DYRK2: variants seen among roughly 807,000 people sequenced by gnomAD.
DYRK2 encodes the protein dual specificity tyrosine-phosphorylation-regulated kinase 2.
Under a neutral mutation model 41.6 loss-of-function variants are expected in DYRK2, and 12 were observed. That is an observed-to-expected ratio of 0.29 (90% CI 0.18 to 0.47). The LOEUF (loss-of-function observed/expected upper bound fraction) is 0.47, where lower values mean the gene tolerates loss of function less well. DYRK2 is among the 20% of genes least tolerant of loss of function. The pLI is 1.00. For synonymous variants in DYRK2, 322 were observed against 315.7 expected (o/e 1.02, Z -0.21); for missense variants, 678 against 798.4 (o/e 0.85, Z 1.82).
In DYRK2 at chr12:67,658,747, T is replaced by C. The variant is rs765971690; in HGVS notation, c.*34T>C. 4.2e-5 allele frequency: 66 copies of C among 1,566,168 alleles called. No individual in the cohort carries two copies. Among genetic ancestry groups the C allele is most frequent in the Non-Finnish European group, 5.7e-5 (66 of 1,156,786 alleles). On this transcript the variant is annotated 3_prime_UTR_variant, in exon 3 of 3. Coordinates refer to ENST00000344096, the MANE Select transcript of DYRK2 (RefSeq NM_006482.3). The surrounding 1 kb of genome is among the most constrained non-coding windows in gnomAD (Gnocchi z 4.3). ...CCCCTGATGCTGGTAACCTGAAAGA[T>C]ACGACATTGCTGAGCCTTACTGGGT...
chr12:67,649,581 C>A, intron 1 of DYRK2: 1 of 523,212 alleles, frequency 1.9e-6, no homozygotes, highest in Non-Finnish European at 2.9e-6. Context: ...CGCGAACTCG[C>A]GCGCCAGGGC....
At position 67,657,981 on chromosome 12, in the gene DYRK2, G is replaced by A; in HGVS notation, c.1074G>A (p.Gln358=). The change falls in exon 3 of 3, where the codon CAG becomes CAA. Residue 358 remains glutamine, a synonymous_variant. Coordinates refer to ENST00000344096, the MANE Select transcript of DYRK2 (RefSeq NM_006482.3). The surrounding 1 kb of genome is among the most constrained non-coding windows in gnomAD (Gnocchi z 4.8). ...DLKPENILLK[Q]QGRSGIKVID... The stretch of plus-strand genomic sequence containing the variant: ...AGCCCGAGAACATTTTGTTAAAGCA[G>A]CAGGGTAGAAGCGGTATTAAAGTAA... 1.2e-6 allele frequency: 2 copies of A among 1,614,264 alleles called. No individual in the cohort carries two copies. Among genetic ancestry groups the A allele is most frequent in the Non-Finnish European group, 1.7e-6 (2 of 1,180,046 alleles).
Position 67,660,987 on chromosome 12 carries a change from G to T in DYRK2, c.*2274G>T, listed in dbSNP as rs529987940. ...TAATACTGCTTGTCTTTCCCCCACC[G>T]CACAAAACTGGTTCTTAAGATGCCA... On this transcript the variant is annotated 3_prime_UTR_variant, in exon 3 of 3. Coordinates refer to ENST00000344096, the MANE Select transcript of DYRK2 (RefSeq NM_006482.3). 2.4e-5 allele frequency: 4 copies of T among 166,744 alleles called. No homozygotes were observed. The highest frequency in any genetic ancestry group is 1.3e-4 in the Admixed American group (2 of 15,254). 10.3% of individuals were successfully genotyped at this position (166,744 alleles called of 1,614,324 possible). A position where few individuals can be genotyped will look rare whatever the true frequency, so the allele number is the denominator to read the frequency against.
Position 67,658,550 on chromosome 12 carries a change from C to A in DYRK2, c.1643C>A (p.Thr548Lys), listed in dbSNP as rs575700478. ...CCAAAGCCTCCCACCGGGGAGAAAACGTCAGTGAAAAGGATAACTGAGAGC... is the reference window on the plus strand; with the variant it reads ...CCAAAGCCTCCCACCGGGGAGAAAAAGTCAGTGAAAAGGATAACTGAGAGC... The part of the protein sequence containing the change: ...RLPKPPTGEK[T>K]SVKRITESTG... Residue 548 changes from threonine (T) to lysine (K), a missense_variant, in exon 3 of 3, where the codon ACG (threonine) becomes AAG (lysine). By Grantham distance (78) the Thr-to-Lys change is moderately conservative. Coordinates refer to ENST00000344096, the MANE Select transcript of DYRK2 (RefSeq NM_006482.3). The surrounding 1 kb of genome is among the most constrained non-coding windows in gnomAD (Gnocchi z 4.3). The A allele has an allele frequency of 1.9e-6, 3 of 1,613,944 alleles. No homozygotes were observed. Among genetic ancestry groups the A allele is most frequent in the Non-Finnish European group, 2.5e-6 (3 of 1,179,982 alleles).
Position 67,649,936 on chromosome 12 carries a change from A to T in DYRK2, c.189A>T (p.Ala63=). 7.3e-7 allele frequency: 1 copy of T among 1,374,696 alleles called. No individual in the cohort carries two copies. Among genetic ancestry groups the T allele is most frequent in the Non-Finnish European group, 9.3e-7 (1 of 1,072,082 alleles). 85.2% of individuals were successfully genotyped at this position (1,374,696 alleles called of 1,614,324 possible). A position where few individuals can be genotyped will look rare whatever the true frequency, so the allele number is the denominator to read the frequency against. The change falls in exon 2 of 3, where the codon GCA becomes GCT. Residue 63 remains alanine, a synonymous_variant. Transcript: ENST00000344096. ...PPLRASNAAA[A]AHTIGGSKHT... is the part of the protein sequence containing the mutation. The stretch of plus-strand genomic sequence containing the variant: ...TCCGGGCCAGCAACGCTGCCGCCGC[A>T]GCCCACACGGTGAGACCCAGCCCGC...
chr12:67,651,552 T>G (rs1462343886), intron 2 of DYRK2: 4 of 455,954 alleles, frequency 8.8e-6, no homozygotes, highest in South Asian at 6.2e-5. Flanking sequence ...TCAGTACTCC[T>G]CATAATGGAG....
rs1450395525 is a variant in DYRK2, at chr12:67,659,195, GGGA to G, written c.*487_*489del. On this transcript the variant is annotated 3_prime_UTR_variant, in exon 3 of 3. Coordinates refer to ENST00000344096, the MANE Select transcript of DYRK2 (RefSeq NM_006482.3). Reference sequence around the variant, plus strand: ...AATTAATCTGGGTGTTGGGGGTAGTGGGAGGAGAACGGTCAGAATCAAAGTGAC... The same window carrying G: ...AATTAATCTGGGTGTTGGGGGTAGTGGGAGAACGGTCAGAATCAAAGTGAC... 3 of 167,374 alleles carry G rather than the reference GGGA, an allele frequency of 1.8e-5. No homozygotes were observed. Among genetic ancestry groups the G allele is most frequent in the African/African-American group, 7.2e-5 (3 of 41,440 alleles). The allele number at this position is 167,374 out of a possible 1,614,324, so 10.4% of individuals were successfully genotyped here. A position where few individuals can be genotyped will look rare whatever the true frequency, so the allele number is the denominator to read the frequency against.
At position 67,665,383 on chromosome 12, in the gene DYRK2, G is replaced by A. The variant is rs750560663; in HGVS notation, c.*6670G>A. 5 of 152,152 alleles carry A rather than the reference G, an allele frequency of 3.3e-5. No individual in the cohort carries two copies. Among genetic ancestry groups the A allele is most frequent in the African/African-American group, 1.2e-4 (5 of 41,418 alleles). The allele number at this position is 152,152 out of a possible 1,614,324, so 9.4% of individuals were successfully genotyped here. A position where few individuals can be genotyped will look rare whatever the true frequency, so the allele number is the denominator to read the frequency against. On this transcript the variant is annotated 3_prime_UTR_variant, in exon 3 of 3. Transcript: ENST00000344096. The stretch of plus-strand genomic sequence containing the variant: ...AATTATAAGCAATTTATGTGGACCA[G>A]CAGCAAATAAATGTATGAGTACATT...
At chr12:67,654,793 T>C (rs1176820211) in intron 2 of DYRK2, among the ~76,000 whole-genome samples, 1 of 152,174 alleles carries the variant, frequency 6.6e-6, no homozygotes, top group African/African-American at 2.4e-5. Flanking sequence ...AGGGAGCTGA[T>C]CGATAGTTGG....
chr12:67,655,833 T>A (rs922805787), intron 2 of DYRK2, among the ~76,000 whole-genome samples: 1 of 152,230 alleles, frequency 6.6e-6, no homozygotes, highest in African/African-American at 2.4e-5. Context: ...GTGTTACATA[T>A]ACAGAGCCCT....
chr12:67,658,036 C>CA lies in DYRK2; in HGVS notation c.1130dup (p.Arg378AlafsTer27). The CA allele has an allele frequency of 6.2e-7, 1 of 1,614,230 alleles. No homozygotes were observed. On this transcript the variant is annotated frameshift_variant, in exon 3 of 3. Transcript: ENST00000344096. LOFTEE classifies it high-confidence loss of function. This position sits in a 1 kb window ranked among gnomAD's most constrained non-coding sequence, Gnocchi z 4.3. ...TTTTGGCTCCAGTTGTTACGAGCAT[C>CA]AGCGTGTCTACACGTACATCCAGTC...
intron 2 of DYRK2, among the ~76,000 whole-genome samples, chr12:67,650,857 C>T (rs1872302398): frequency 6.6e-6 from 1 of 152,124 alleles, no homozygotes; most frequent in South Asian, 2.1e-4. Context: ...TAAGATGGTT[C>T]TGTGTGAGGG....
In DYRK2 at chr12:67,663,826, C is replaced by A. The variant is rs766031559; in HGVS notation, c.*5113C>A. 1 of 152,198 alleles carries A rather than the reference C, an allele frequency of 6.6e-6. No homozygotes were observed. Among genetic ancestry groups the A allele is most frequent in the Non-Finnish European group, 1.5e-5 (1 of 68,020 alleles). The allele number at this position is 152,198 out of a possible 1,614,324, so 9.4% of individuals were successfully genotyped here. On this transcript the variant is annotated 3_prime_UTR_variant, in exon 3 of 3. Coordinates refer to ENST00000344096, the MANE Select transcript of DYRK2 (RefSeq NM_006482.3). Reference sequence around the variant, plus strand: ...ATGTGCAATTCTGTTTGAGTCTCTACAGTCCTATCCCTTTTGGAATGAACA... The same window carrying A: ...ATGTGCAATTCTGTTTGAGTCTCTAAAGTCCTATCCCTTTTGGAATGAACA...
intron 1 of DYRK2, 58 bp downstream of exon 1, chr12:67,649,240 C>T (rs1872230954): frequency 7.9e-7 from 1 of 1,271,992 alleles, no homozygotes. Context: ...CTGGGCAGCC[C>T]CTGTGGCGCG....
In DYRK2 at chr12:67,657,623, C is replaced by T; in HGVS notation, c.716C>T (p.Ala239Val). 6.2e-7 allele frequency: 1 copy of T among 1,613,838 alleles called. No homozygotes were observed. ...GGGAGCTTTGGGCAGGTGGTCAAGGCCTACGATCACAAAGTCCACCAGCAC... is the reference window on the plus strand; with the variant it reads ...GGGAGCTTTGGGCAGGTGGTCAAGGTCTACGATCACAAAGTCCACCAGCAC... ...GKGSFGQVVK[A>V]YDHKVHQHVA... Residue 239 changes from alanine to valine, a missense_variant, in exon 3 of 3, where the codon GCC becomes GTC. By Grantham distance (64) the Ala-to-Val change is moderately conservative. Around this residue, in one of 2 missense-constraint regions of DYRK2, gnomAD observed 393 missense variants for 519.1 expected, o/e 0.76. Coordinates refer to ENST00000344096, the MANE Select transcript of DYRK2 (RefSeq NM_006482.3). The surrounding 1 kb of genome is among the most constrained non-coding windows in gnomAD (Gnocchi z 4.8).
At chr12:67,652,203 A>C (rs1171478304) in intron 2 of DYRK2, among the ~76,000 whole-genome samples, 1 of 152,096 alleles carries the variant, frequency 6.6e-6, no homozygotes, top group Non-Finnish European at 1.5e-5. Flanking sequence ...TTTGTTTTAT[A>C]TCTCCATGTA....
chr12:67,664,501 A>G lies in DYRK2; in HGVS notation c.*5788A>G, dbSNP rs1872699524. 1 of 152,162 alleles carries G rather than the reference A, an allele frequency of 6.6e-6. No individual in the cohort carries two copies. The highest frequency in any genetic ancestry group is 1.5e-5 in the Non-Finnish European group (1 of 68,008). 9.4% of individuals were successfully genotyped at this position (152,162 alleles called of 1,614,324 possible). A position where few individuals can be genotyped will look rare whatever the true frequency, so the allele number is the denominator to read the frequency against. ...GTTGGATGAACATCAGTTTATCCTT[A>G]TACATCCCTATGAGCTATAATTATC... On this transcript the variant is annotated 3_prime_UTR_variant, in exon 3 of 3. Coordinates refer to ENST00000344096, the MANE Select transcript of DYRK2 (RefSeq NM_006482.3).
chr12:67,651,862 C>T (rs1483776170), intron 2 of DYRK2, among the ~76,000 whole-genome samples: 2 of 152,150 alleles, frequency 1.3e-5, no homozygotes, highest in Non-Finnish European at 2.9e-5. Flanking sequence ...AGAGTGAAAG[C>T]CTACATCCTC....
chr12:67,655,842 C>T (rs2120828689), intron 2 of DYRK2, among the ~76,000 whole-genome samples: 1 of 152,286 alleles, frequency 6.6e-6, no homozygotes, highest in Middle Eastern at 3.4e-3. Context: ...ATACAGAGCC[C>T]TTCTGCTCTT....
Sources: allele counts gnomAD v4.1 joint callset (sites outside exome capture counted in the v4.1 genomes callset), GRCh38; gene constraint gnomAD v4.1.1; regional missense constraint gnomAD v4.1.1; non-coding constraint Gnocchi (gnomAD v3.1); transcripts MANE v1.5; gene names NCBI Gene and HGNC (gene_info 2026-07-23, HGNC 2026-07-21).